RALYL: variants seen among roughly 807,000 people sequenced by gnomAD.
The protein encoded by RALYL is RNA-binding Raly-like protein.
In RALYL, 29 loss-of-function variants were observed where a neutral mutation model predicts 35.1. That is an observed-to-expected ratio of 0.83 (90% CI 0.61 to 1.13). The LOEUF (loss-of-function observed/expected upper bound fraction) is 1.13, where lower values mean the gene tolerates loss of function less well. Ranked by LOEUF, RALYL falls within the 50% of genes most tolerant of loss-of-function variation. RALYL has a pLI of 0.00. For synonymous variants in RALYL, 120 were observed against 127.6 expected (o/e 0.94, Z 0.40); for missense variants, 359 against 360.4 (o/e 1.00, Z 0.03).
intron 1 of RALYL, among the ~76,000 whole-genome samples, chr8:84,419,613 G>A (rs945714233): frequency 2.0e-5 from 3 of 150,190 alleles, no homozygotes; most frequent in Non-Finnish European, 3.0e-5. Context: ...AGTTACATAT[G>A]TATACATGTG....
chr8:84,613,950 G>A (rs552492699), intron 2 of RALYL, among the ~76,000 whole-genome samples: 9 of 149,472 alleles, frequency 6.0e-5, no homozygotes, highest in South Asian at 4.2e-4. Flanking sequence ...ACCTTCTCTC[G>A]TTGGTCTAAA....
chr8:84,583,171 T>C (rs1269461113), intron 2 of RALYL, among the ~76,000 whole-genome samples: 1 of 152,172 alleles, frequency 6.6e-6, no homozygotes, highest in African/African-American at 2.4e-5. Context: ...AATACAGTAA[T>C]GTTAGTCCTC....
chr8:84,206,692 G>T (rs1196629399), intron 1 of RALYL, among the ~76,000 whole-genome samples: 1 of 152,116 alleles, frequency 6.6e-6, no homozygotes, highest in Non-Finnish European at 1.5e-5. Context: ...AATGAAAATG[G>T]ATTTCTCTGG....
At chr8:84,511,185 A>T (rs937534601) in intron 1 of RALYL, among the ~76,000 whole-genome samples, 6 of 152,192 alleles carry the variant, frequency 3.9e-5, no homozygotes, top group African/African-American at 7.2e-5. Context: ...TACCATGGGA[A>T]ATAGCAAGCA....
At chr8:84,522,318 C>T (rs532531114) in intron 1 of RALYL, among the ~76,000 whole-genome samples, 295 of 145,988 alleles carry the variant, frequency 2.0e-3, no homozygotes, top group Middle Eastern at 7.4e-3. Flanking sequence ...GGCGGGATCT[C>T]GGCTCACTGC....
chr8:84,721,455 A>G (rs1351651577), intron 2 of RALYL, among the ~76,000 whole-genome samples: 1 of 152,148 alleles, frequency 6.6e-6, no homozygotes, highest in Non-Finnish European at 1.5e-5. Flanking sequence ...TATTTAATTT[A>G]AAGCTTCCAG....
chr8:84,563,627 T>C (rs1309565206), intron 2 of RALYL, among the ~76,000 whole-genome samples: 1 of 151,760 alleles, frequency 6.6e-6, no homozygotes, highest in Non-Finnish European at 1.5e-5. Flanking sequence ...ATCTTTTCTT[T>C]GTTGTTTTTA....
At chr8:84,567,917 A>G (rs1310845162) in intron 2 of RALYL, among the ~76,000 whole-genome samples, 1 of 151,682 alleles carries the variant, frequency 6.6e-6, no homozygotes, top group Non-Finnish European at 1.5e-5. Flanking sequence ...TGGCAAGATG[A>G]TACTTCAGTA....
At chr8:84,331,168 C>T (rs117471063) in intron 1 of RALYL, among the ~76,000 whole-genome samples, 2,138 of 152,214 alleles carry the variant, frequency 0.014, 22 homozygotes, top group Non-Finnish European at 0.021. Flanking sequence ...CATCAATCAT[C>T]TCCACAAAGA....
intron 2 of RALYL, among the ~76,000 whole-genome samples, chr8:84,687,236 T>G (rs1200047125): frequency 6.6e-6 from 1 of 152,134 alleles, no homozygotes; most frequent in East Asian, 1.9e-4. Flanking sequence ...TTAAATCAAT[T>G]AATAGTCACT....
chr8:84,871,677 G>A (rs1259885310), intron 6 of RALYL, among the ~76,000 whole-genome samples: 4 of 151,962 alleles, frequency 2.6e-5, no homozygotes, highest in East Asian at 1.9e-4. Context: ...TTTCAGTTTA[G>A]TCATTCCTCA....
intron 3 of RALYL, among the ~76,000 whole-genome samples, chr8:84,793,663 T>C (rs1203353128): frequency 6.6e-6 from 1 of 152,156 alleles, no homozygotes; most frequent in Non-Finnish European, 1.5e-5. Context: ...TCCAACACAA[T>C]CCAGGAGTAG....
intron 3 of RALYL, among the ~76,000 whole-genome samples, chr8:84,787,213 T>C (rs1819728180): frequency 7.0e-6 from 1 of 143,490 alleles, no homozygotes; most frequent in Non-Finnish European, 1.5e-5. Flanking sequence ...TCTGTGTCCA[T>C]GTGTTCTCAT....
intron 2 of RALYL, among the ~76,000 whole-genome samples, chr8:84,721,677 T>C (rs1442037605): frequency 6.6e-6 from 1 of 151,906 alleles, no homozygotes; most frequent in Non-Finnish European, 1.5e-5. Context: ...TCAGTGAATA[T>C]TTTTTTTAAC....
rs1829672973 is a variant in RALYL, at chr8:84,248,999, T to C, written c.-24+64575T>C. ...TCATGGTTCTCTTTTTATATATTTG[T>C]TTATTTTGTAGTCATGGAACGAGCA... On this transcript the variant is annotated intron_variant, in intron 1 of 8. Coordinates refer to ENST00000521268, the MANE Select transcript of RALYL (RefSeq NM_173848.7). Among the ~76,000 whole-genome samples, 3 of 152,216 alleles carry C rather than the reference T, an allele frequency of 2.0e-5. No individual in the cohort carries two copies. In the South Asian group the frequency reaches 6.2e-4, roughly 32 times the overall value.
intron 1 of RALYL, among the ~76,000 whole-genome samples, chr8:84,364,041 C>T (rs142187960): frequency 6.6e-6 from 1 of 152,240 alleles, no homozygotes; most frequent in African/African-American, 2.4e-5. Context: ...TACCTATAGT[C>T]TTGTTATGCA....
intron 8 of RALYL, among the ~76,000 whole-genome samples, chr8:84,895,252 T>C (rs1371731022): frequency 3.9e-5 from 6 of 151,908 alleles, no homozygotes; most frequent in Non-Finnish European, 2.9e-5. Flanking sequence ...TCAGTACCAT[T>C]ATTTGGATGG....
At chr8:84,903,618 A>C (rs1846046944) in intron 8 of RALYL, among the ~76,000 whole-genome samples, 1 of 152,146 alleles carries the variant, frequency 6.6e-6, no homozygotes, top group Admixed American at 6.6e-5. Context: ...GATGCTACAT[A>C]CTAATATCAG....
intron 1 of RALYL, among the ~76,000 whole-genome samples, chr8:84,466,510 A>G (rs950725590): frequency 5.9e-5 from 9 of 151,528 alleles, no homozygotes; most frequent in African/African-American, 2.2e-4. Context: ...ATCATGGTGG[A>G]TAAGCTTTTT....
Sources: gnomAD v4.1 joint callset for allele counts (sites outside exome capture counted in the v4.1 genomes callset) on GRCh38, gnomAD v4.1.1 for gene constraint, MANE v1.5 for transcripts, NCBI Gene and HGNC (gene_info 2026-07-23, HGNC 2026-07-21) for gene names.